Variants in TMCO4 observed in about 807,000 individuals in gnomAD.
TMCO4 encodes the protein transmembrane and coiled-coil domain-containing protein 4.
In TMCO4, 58 loss-of-function variants were observed where a neutral mutation model predicts 64.7. That is an observed-to-expected ratio of 0.90 (90% CI 0.73 to 1.12). The LOEUF (loss-of-function observed/expected upper bound fraction) is 1.12, where lower values mean the gene tolerates loss of function less well. Among genes scored for constraint, TMCO4 ranks in the 50% most tolerant of loss-of-function variants. The probability of loss-of-function intolerance (pLI) is 0.00; values close to 1 mark genes in which losing one functional copy is unlikely to be tolerated. For synonymous variants in TMCO4, 325 were observed against 346.1 expected, an observed-to-expected ratio of 0.94 and a Z score of 0.68; for missense variants, 780 against 825.9, an observed-to-expected ratio of 0.94 and a Z score of 0.68.
chr1:19,751,387 C>T (rs1223454934), intron 7 of TMCO4, among the ~76,000 whole-genome samples: 1 of 151,914 alleles, frequency 6.6e-6, no homozygotes, highest in African/African-American at 2.4e-5. Context: ...CCCTTCAGCC[C>T]AGGAGTTCCA....
At chr1:19,777,773 C>A (rs1402468214) in intron 4 of TMCO4, among the ~76,000 whole-genome samples, 1 of 152,212 alleles carries the variant, frequency 6.6e-6, no homozygotes, top group Non-Finnish European at 1.5e-5. Context: ...AGCCTGACTG[C>A]TGGGCATAGT....
chr1:19,702,285 C>CAGAAAAAAAAAA (rs751695121), intron 13 of TMCO4, among the ~76,000 whole-genome samples: 3 of 102,934 alleles, frequency 2.9e-5, no homozygotes, highest in Admixed American at 1.1e-4. Context: ...CTTGTCTTTA[C>CAGAAAAAAAAAA]AAAAAAAAAA....
intron 6 of TMCO4, among the ~76,000 whole-genome samples, chr1:19,766,476 A>C (rs1000930099): frequency 6.6e-6 from 1 of 152,192 alleles, no homozygotes; most frequent in African/African-American, 2.4e-5. Flanking sequence ...AAGCGACTTG[A>C]TCAAGGTCAC....
chr1:19,760,900 G>A (rs2042472101), intron 6 of TMCO4, among the ~76,000 whole-genome samples: 1 of 152,248 alleles, frequency 6.6e-6, no homozygotes, highest in Non-Finnish European at 1.5e-5. Flanking sequence ...TCTGTTGGGA[G>A]AGATCCAAAT....
chr1:19,688,404 G>A (rs911820404), intron 15 of TMCO4, among the ~76,000 whole-genome samples: 1 of 152,130 alleles, frequency 6.6e-6, no homozygotes, highest in Admixed American at 6.5e-5. Context: ...CCCAAACAGA[G>A]GCTGCCATCA....
chr1:19,770,254 A>G (rs1172874208), intron 6 of TMCO4, among the ~76,000 whole-genome samples: 1 of 152,190 alleles, frequency 6.6e-6, no homozygotes, highest in Non-Finnish European at 1.5e-5. Context: ...AGTGGCTTAG[A>G]CCAGGGGCCT....
At chr1:19,799,780 G>C (rs994699154) in intron 1 of TMCO4, 75 bp downstream of exon 1, 1 of 152,082 alleles carries the variant, frequency 6.6e-6, no homozygotes, top group Non-Finnish European at 1.5e-5. Flanking sequence ...CGAGTGCCCC[G>C]CGTGGGGCCG....
chr1:19,757,229 T>C (rs2042300618), intron 6 of TMCO4, among the ~76,000 whole-genome samples: 1 of 151,626 alleles, frequency 6.6e-6, no homozygotes, highest in African/African-American at 2.4e-5. Flanking sequence ...TGGCTGACAA[T>C]TCAAATTTAG....
chr1:19,726,769 G>T (rs566709613), intron 13 of TMCO4, among the ~76,000 whole-genome samples: 1 of 152,290 alleles, frequency 6.6e-6, no homozygotes, highest in East Asian at 1.9e-4. Context: ...AGGAGGAGGA[G>T]GATGAAGATA....
intron 13 of TMCO4, among the ~76,000 whole-genome samples, chr1:19,711,785 G>A (rs1362530759): frequency 6.6e-6 from 1 of 152,162 alleles, no homozygotes; most frequent in Non-Finnish European, 1.5e-5. Flanking sequence ...AGCCTCCTGA[G>A]TAGCTGGGAT....
chr1:19,795,677 A>G lies in TMCO4; in HGVS notation c.-101+2460T>C, dbSNP rs189999517. ...AGAGAGGCCCTGAGAATTGAAGGTCAAGGTCACTGGACGAGTCATGTGGTA... is the reference window on the plus strand; with the variant it reads ...AGAGAGGCCCTGAGAATTGAAGGTCGAGGTCACTGGACGAGTCATGTGGTA... On this transcript the variant is annotated intron_variant, in intron 2 of 15. Transcript: ENST00000294543. 2.7e-3 allele frequency among the ~76,000 whole-genome samples: 405 copies of G among 152,284 alleles called. 2 individuals carry two copies. Among genetic ancestry groups the G allele is most frequent in the Non-Finnish European group, 4.7e-3 (319 of 68,024 alleles).
rs750841213 is a variant in TMCO4, at chr1:19,747,204, A to C, written c.572T>G (p.Leu191Arg). Reference sequence around the variant, plus strand: ...TCCGACAGTCGCCAGGCCTATCAGGAGATAACGCTTCCATTTCCTCCGGTT... The same window carrying C: ...TCCGACAGTCGCCAGGCCTATCAGGCGATAACGCTTCCATTTCCTCCGGTT... ...KENRRKWKRY[L>R]LIGLATVGGG... Residue 191 changes from leucine to arginine, a missense_variant, in exon 8 of 16, where the codon CTC (leucine) becomes CGC (arginine). Physicochemically the swap from Leu to Arg is moderately radical, Grantham distance 102. Transcript: ENST00000294543. The C allele has an allele frequency of 6.2e-7, 1 of 1,614,060 alleles. No individual in the cohort carries two copies. The highest frequency in any genetic ancestry group is 1.1e-5 in the South Asian group (1 of 91,070).
At position 19,734,361 on chromosome 1, in the gene TMCO4, C is replaced by T. The variant is rs531665270; in HGVS notation, c.1264+3011G>A. ...GCTGCCGTGTGAGTGTGTGCAGATG[C>T]GTGTATGAATGTGTGCAGGTGTGTG... is the stretch of plus-strand genomic sequence containing the variant. On this transcript the variant is annotated intron_variant, in intron 13 of 15. Coordinates refer to ENST00000294543, the MANE Select transcript of TMCO4 (RefSeq NM_181719.7). This position sits in a 1 kb window ranked among gnomAD's most constrained non-coding sequence, Gnocchi z 4.4. Among the ~76,000 whole-genome samples, 21 of 152,098 alleles carry T rather than the reference C, an allele frequency of 1.4e-4. No individual in the cohort carries two copies. The highest frequency in any genetic ancestry group is 2.1e-4 in the South Asian group (1 of 4,814).
At chr1:19,753,703 A>G (rs955405095) in intron 7 of TMCO4, among the ~76,000 whole-genome samples, 2 of 152,190 alleles carry the variant, frequency 1.3e-5, no homozygotes, top group Admixed American at 6.5e-5. Flanking sequence ...AAGGCCACAC[A>G]GAGGGTTAGT....
At chr1:19,748,904 G>A (rs919524824) in intron 7 of TMCO4, among the ~76,000 whole-genome samples, 5 of 152,156 alleles carry the variant, frequency 3.3e-5, no homozygotes, top group Admixed American at 6.5e-5. Context: ...TGGGCATCTG[G>A]GGACCTGCTG....
At chr1:19,790,158 T>C (rs1230195701) in intron 2 of TMCO4, among the ~76,000 whole-genome samples, 3 of 151,522 alleles carry the variant, frequency 2.0e-5, no homozygotes, top group Non-Finnish European at 4.4e-5. Context: ...CTTTACACCG[T>C]ATACAAAAAT....
chr1:19,703,881 C>G (rs962737167), intron 13 of TMCO4, among the ~76,000 whole-genome samples: 5 of 152,156 alleles, frequency 3.3e-5, no homozygotes, highest in Non-Finnish European at 5.9e-5. Flanking sequence ...CCCTCACACA[C>G]CAGGAAGCCG....
chr1:19,685,744 C>T (rs977953886), intron 15 of TMCO4, among the ~76,000 whole-genome samples: 6 of 114,344 alleles, frequency 5.2e-5, no homozygotes, highest in Non-Finnish European at 9.0e-5. Flanking sequence ...GACAGAGTCT[C>T]GCTCTGTTGC....
At chr1:19,739,419 G>C (rs1036473089) in intron 12 of TMCO4, among the ~76,000 whole-genome samples, 1 of 152,150 alleles carries the variant, frequency 6.6e-6, no homozygotes, top group African/African-American at 2.4e-5. Flanking sequence ...GAAGCACCTG[G>C]TCTCATTCAC....
Sources: gnomAD v4.1 joint callset for allele counts (sites outside exome capture counted in the v4.1 genomes callset) on GRCh38, gnomAD v4.1.1 for gene constraint, Gnocchi (gnomAD v3.1) non-coding constraint, MANE v1.5 for transcripts, NCBI Gene and HGNC (gene_info 2026-07-23, HGNC 2026-07-21) for gene names.